GPHN: variants seen among roughly 807,000 people sequenced by gnomAD.
The protein encoded by GPHN is gephyrin.
Under a neutral mutation model 95.5 loss-of-function variants are expected in GPHN, and 17 were observed. That is an observed-to-expected ratio of 0.18 (90% CI 0.12 to 0.27). GPHN has a LOEUF of 0.27. GPHN is among the 10% of genes least tolerant of loss of function. GPHN has a pLI of 1.00. For synonymous variants in GPHN, 320 were observed against 322.5 expected, an observed-to-expected ratio of 0.99 and a Z score of 0.08; for missense variants, 660 against 978.1, an observed-to-expected ratio of 0.67 and a Z score of 4.34.
At chr14:67,375,317 G>A in the GPHN span, among the ~76,000 whole-genome samples, 6 of 149,136 alleles carry the variant, frequency 4.0e-5, no homozygotes, top group South Asian at 2.1e-4. Context: ...GTGTAGTGGC[G>A]CAATCTCAAC....
the GPHN span, among the ~76,000 whole-genome samples, chr14:67,480,426 A>G: frequency 1.3e-5 from 2 of 152,190 alleles, no homozygotes; most frequent in African/African-American, 4.8e-5. Flanking sequence ...CGAGGGATGA[A>G]TGGAAGAGGA....
At chr14:66,784,413 A>C (rs2059704193) in intron 3 of GPHN, among the ~76,000 whole-genome samples, 1 of 152,180 alleles carries the variant, frequency 6.6e-6, no homozygotes, top group Admixed American at 6.5e-5. Context: ...TGGCTAAATA[A>C]ATTCTTTAAA....
the GPHN span, among the ~76,000 whole-genome samples, chr14:67,620,583 G>A: frequency 1.3e-4 from 20 of 152,272 alleles, no homozygotes; most frequent in South Asian, 4.1e-3. Context: ...GGGAGGAGCT[G>A]TTTTGTTCTC....
chr14:67,162,319 T>C (rs1437259660), intron 19 of GPHN, among the ~76,000 whole-genome samples: 1 of 152,220 alleles, frequency 6.6e-6, no homozygotes, highest in Non-Finnish European at 1.5e-5. Context: ...TTTGCTAAAA[T>C]AAAGTAGTTT....
chr14:67,239,319 T>C, the GPHN span, among the ~76,000 whole-genome samples: 1 of 152,192 alleles, frequency 6.6e-6, no homozygotes, highest in Non-Finnish European at 1.5e-5. Flanking sequence ...TTCCTCCCCA[T>C]GACCTTTGGT....
chr14:67,165,358 C>T (rs891594390), intron 20 of GPHN, 132 bp downstream of exon 20: 25 of 679,004 alleles, frequency 3.7e-5, no homozygotes, highest in Non-Finnish European at 6.4e-5. Flanking sequence ...AACGACCAAT[C>T]ACTTAACCTC....
At chr14:66,718,261 C>T (rs1009372452) in intron 2 of GPHN, among the ~76,000 whole-genome samples, 1 of 151,902 alleles carries the variant, frequency 6.6e-6, no homozygotes, top group Non-Finnish European at 1.5e-5. Flanking sequence ...TCTGGAGTTT[C>T]TTCCTTCTGG....
chr14:67,714,028 T>G, the GPHN span, among the ~76,000 whole-genome samples: 4 of 152,328 alleles, frequency 2.6e-5, no homozygotes, highest in Admixed American at 2.6e-4. Flanking sequence ...CAGCTTGAAT[T>G]TTCCCTTTAG....
chr14:66,710,081 G>C (rs1167700322), intron 2 of GPHN, among the ~76,000 whole-genome samples: 1 of 152,148 alleles, frequency 6.6e-6, no homozygotes, highest in Non-Finnish European at 1.5e-5. Flanking sequence ...ATGATTAACA[G>C]TAGTGCTTAT....
At chr14:67,068,397 C>G (rs2076152145) in intron 11 of GPHN, among the ~76,000 whole-genome samples, 1 of 152,182 alleles carries the variant, frequency 6.6e-6, no homozygotes, top group Non-Finnish European at 1.5e-5. Context: ...ATAGGCATTC[C>G]TGGCATAACT....
chr14:67,563,814 A>G, the GPHN span, among the ~76,000 whole-genome samples: 1 of 145,676 alleles, frequency 6.9e-6, no homozygotes. Flanking sequence ...GCTCACTGCA[A>G]CCTCCGCCTC....
intron 3 of GPHN, among the ~76,000 whole-genome samples, chr14:66,785,939 T>G (rs1333776511): frequency 1.3e-5 from 2 of 152,200 alleles, no homozygotes. Context: ...AAGCAGACAT[T>G]AAGAGAAGAG....
At chr14:66,942,599 A>G (rs979553579) in intron 8 of GPHN, among the ~76,000 whole-genome samples, 5 of 152,186 alleles carry the variant, frequency 3.3e-5, no homozygotes, top group African/African-American at 1.2e-4. Flanking sequence ...TGACATAACA[A>G]CCTTAATTAT....
At chr14:66,626,508 T>G (rs936401554) in intron 1 of GPHN, among the ~76,000 whole-genome samples, 3 of 152,100 alleles carry the variant, frequency 2.0e-5, no homozygotes, top group African/African-American at 7.2e-5. Context: ...AGGTAACATG[T>G]TAGAAAGAAG....
At chr14:66,635,824 G>T (rs186878874) in intron 1 of GPHN, among the ~76,000 whole-genome samples, 1,842 of 152,154 alleles carry the variant, frequency 0.012, 22 homozygotes, top group Non-Finnish European at 0.018. Context: ...TTTTCAGGCT[G>T]TTTACTTACA....
the GPHN span, among the ~76,000 whole-genome samples, chr14:67,287,423 C>T: frequency 6.6e-6 from 1 of 151,820 alleles, no homozygotes; most frequent in Non-Finnish European, 1.5e-5. Context: ...TTAAATTCTA[C>T]TTATTAAAAA....
the GPHN span, among the ~76,000 whole-genome samples, chr14:67,218,348 C>T: frequency 6.6e-6 from 1 of 152,148 alleles, no homozygotes; most frequent in Non-Finnish European, 1.5e-5. Flanking sequence ...TGTGGGTGAT[C>T]TGGGGGCATG....
At chr14:67,442,992 G>A in the GPHN span, among the ~76,000 whole-genome samples, 1 of 152,198 alleles carries the variant, frequency 6.6e-6, no homozygotes, top group Non-Finnish European at 1.5e-5. Flanking sequence ...GGCTGAGGCA[G>A]GAGGATTGCT....
chr14:67,056,487 G>A (rs1326084676), intron 10 of GPHN, among the ~76,000 whole-genome samples: 3 of 151,806 alleles, frequency 2.0e-5, no homozygotes, highest in South Asian at 2.1e-4. Flanking sequence ...TGTACAATCC[G>A]CTAGCTAGAC....
Sources: allele counts gnomAD v4.1 joint callset (sites outside exome capture counted in the v4.1 genomes callset), GRCh38; gene constraint gnomAD v4.1.1; transcripts MANE v1.5; gene names NCBI Gene and HGNC (gene_info 2026-07-23, HGNC 2026-07-21).